The following STXBP4 variants were observed in gnomAD, a reference collection of about 807,000 sequenced individuals.
STXBP4 encodes syntaxin-binding protein 4.
STXBP4 carries 55 observed loss-of-function variants against 76.1 expected under a neutral mutation model. The ratio of observed to expected loss-of-function variants is 0.72; its 90% confidence interval spans 0.58 to 0.91. The LOEUF (loss-of-function observed/expected upper bound fraction) is 0.91. STXBP4 is among the 40% of genes least tolerant of loss of function. The pLI is 0.00. For missense variants in STXBP4, 618 were observed against 636.9 expected (o/e 0.97, Z 0.32); for synonymous variants, 201 against 220.2 (o/e 0.91, Z 0.77).
At chr17:55,063,432 C>T (rs1430019550) in intron 12 of STXBP4, among the ~76,000 whole-genome samples, 1 of 152,126 alleles carries the variant, frequency 6.6e-6, no homozygotes, top group East Asian at 1.9e-4. Flanking sequence ...GTAGGTTGGC[C>T]TAGTTAGAAC....
chr17:55,183,757 T>C, the STXBP4 span, among the ~76,000 whole-genome samples: 3 of 152,174 alleles, frequency 2.0e-5, no homozygotes, highest in Non-Finnish European at 4.4e-5. Flanking sequence ...GAGAAAAGTA[T>C]ACTTGAAGGC....
intron 8 of STXBP4, among the ~76,000 whole-genome samples, chr17:55,010,433 ACT>A (rs1285305100): frequency 6.6e-6 from 1 of 152,034 alleles, no homozygotes; most frequent in African/African-American, 2.4e-5. Flanking sequence ...TTCTGTGAAT[ACT>A]CTGAGAATGA....
At chr17:55,072,875 A>C in intron 12 of STXBP4, 25 bp from the exon 13 acceptor site, 1 of 1,568,138 alleles carries the variant, frequency 6.4e-7, no homozygotes, top group Non-Finnish European at 8.6e-7. Context: ...TATTTTTTAA[A>C]TGACATTAAT....
chr17:55,096,242 A>G (rs1216658218), intron 16 of STXBP4, among the ~76,000 whole-genome samples: 2 of 152,052 alleles, frequency 1.3e-5, no homozygotes, highest in Admixed American at 6.6e-5. Context: ...TGCAGCCTCA[A>G]TCTCCCTGGC....
At chr17:55,195,448 A>T in the STXBP4 span, among the ~76,000 whole-genome samples, 1 of 152,064 alleles carries the variant, frequency 6.6e-6, no homozygotes, top group Admixed American at 6.5e-5. Context: ...TTAATTTTTT[A>T]AATTTTTTAT....
chr17:55,084,609 T>G (rs1266348408), intron 16 of STXBP4, among the ~76,000 whole-genome samples: 1 of 151,482 alleles, frequency 6.6e-6, no homozygotes, highest in Non-Finnish European at 1.5e-5. Flanking sequence ...GTTTTTATGG[T>G]TTTAGGTCTA....
At chr17:55,060,455 C>T (rs1260774148) in intron 12 of STXBP4, among the ~76,000 whole-genome samples, 1 of 151,868 alleles carries the variant, frequency 6.6e-6, no homozygotes, top group Non-Finnish European at 1.5e-5. Flanking sequence ...AGTTTCTTTC[C>T]TTTGATATCC....
Position 55,164,859 on chromosome 17 carries a change from GTCT to G in STXBP4, c.*4953_*4955del, listed in dbSNP as rs1598361531. The G allele has an allele frequency of 6.6e-6, 1 of 152,498 alleles. No homozygotes were observed. Among genetic ancestry groups the G allele is most frequent in the East Asian group, 1.9e-4 (1 of 5,176 alleles). 9.4% of individuals were successfully genotyped at this position (152,498 alleles called of 1,614,324 possible). A position where few individuals can be genotyped will look rare whatever the true frequency, so the allele number is the denominator to read the frequency against. ...TCAGCTTCGTGAGGGCAGGGATTTT[GTCT>G]TCTTGTATTCATTTACTCACTTACA... On this transcript the variant is annotated 3_prime_UTR_variant, in exon 18 of 18. Coordinates refer to ENST00000376352, the MANE Select transcript of STXBP4 (RefSeq NM_178509.6).
At chr17:55,074,161 A>C (rs1396344009) in intron 13 of STXBP4, among the ~76,000 whole-genome samples, 1 of 152,224 alleles carries the variant, frequency 6.6e-6, no homozygotes, top group Non-Finnish European at 1.5e-5. Context: ...ATAATTTATG[A>C]CTATTTAAAC....
At chr17:55,203,226 G>T in the STXBP4 span, among the ~76,000 whole-genome samples, 1 of 152,114 alleles carries the variant, frequency 6.6e-6, no homozygotes, top group Non-Finnish European at 1.5e-5. Flanking sequence ...TTAGGAACTA[G>T]GTCCTCTTCC....
chr17:55,181,534 G>C, the STXBP4 span, among the ~76,000 whole-genome samples: 1 of 151,878 alleles, frequency 6.6e-6, no homozygotes, highest in Non-Finnish European at 1.5e-5. Context: ...CCCTCTCCTT[G>C]GTTCCCATAA....
intron 8 of STXBP4, among the ~76,000 whole-genome samples, chr17:55,027,349 A>G (rs1013813502): frequency 6.6e-6 from 1 of 152,216 alleles, no homozygotes; most frequent in Non-Finnish European, 1.5e-5. Flanking sequence ...ATACTAGAGT[A>G]CGTCCCTTGA....
intron 4 of STXBP4, among the ~76,000 whole-genome samples, chr17:54,993,082 A>G (rs572699878): frequency 2.6e-5 from 4 of 152,226 alleles, no homozygotes; most frequent in Non-Finnish European, 5.9e-5. Context: ...TTGGAGTTAG[A>G]GTAATAAGTT....
At chr17:55,033,270 A>C (rs2078541186) in intron 9 of STXBP4, among the ~76,000 whole-genome samples, 1 of 152,128 alleles carries the variant, frequency 6.6e-6, no homozygotes, top group Admixed American at 6.6e-5. Flanking sequence ...GCTACTCAGG[A>C]GGCTGAGGCA....
chr17:55,071,736 A>T (rs1246906207), intron 12 of STXBP4, among the ~76,000 whole-genome samples: 1 of 152,192 alleles, frequency 6.6e-6, no homozygotes, highest in African/African-American at 2.4e-5. Flanking sequence ...GACCCTTAAG[A>T]ATATGCCAGC....
At chr17:55,016,967 C>G (rs1023139858) in intron 8 of STXBP4, among the ~76,000 whole-genome samples, 1 of 152,046 alleles carries the variant, frequency 6.6e-6, no homozygotes, top group South Asian at 2.1e-4. Context: ...CTGGGCCGTC[C>G]GTGGGTTACT....
intron 7 of STXBP4, among the ~76,000 whole-genome samples, chr17:55,006,542 G>A (rs183375709): frequency 1.9e-4 from 29 of 152,274 alleles, no homozygotes; most frequent in East Asian, 1.5e-3. Context: ...ATATTAAAAC[G>A]TACAGTATTT....
chr17:55,078,166 C>T lies in STXBP4; in HGVS notation c.1277C>T (p.Ser426Phe). Residue 426 changes from serine to phenylalanine, a missense_variant, in exon 14 of 18, where the codon TCC (serine) becomes TTC (phenylalanine). By Grantham distance (155) the Ser-to-Phe change is radical (BLOSUM62 -2). Coordinates refer to ENST00000376352, the MANE Select transcript of STXBP4 (RefSeq NM_178509.6). ...SEMARKTFEA[S>F]TEKLLHFVEA... is the part of the protein sequence containing the mutation. ...ATGGCTCGAAAAACTTTTGAGGCATCCACTGAAAAGCTTCTTCATTTTGTA... is the reference window on the plus strand; with the variant it reads ...ATGGCTCGAAAAACTTTTGAGGCATTCACTGAAAAGCTTCTTCATTTTGTA... 2 of 1,611,356 alleles carry T rather than the reference C, an allele frequency of 1.2e-6. No homozygotes were observed. Among genetic ancestry groups the T allele is most frequent in the Non-Finnish European group, 1.7e-6 (2 of 1,178,688 alleles).
At chr17:55,124,851 G>A (rs1211709553) in intron 16 of STXBP4, among the ~76,000 whole-genome samples, 1 of 152,162 alleles carries the variant, frequency 6.6e-6, no homozygotes, top group Non-Finnish European at 1.5e-5. Flanking sequence ...GTAGGTGACT[G>A]CCATCTTGCT....
Sources: gnomAD v4.1 joint callset for allele counts (sites outside exome capture counted in the v4.1 genomes callset) on GRCh38, gnomAD v4.1.1 for gene constraint, MANE v1.5 for transcripts, NCBI Gene and HGNC (gene_info 2026-07-23, HGNC 2026-07-21) for gene names.